GFRA2: variants seen among roughly 807,000 people sequenced by gnomAD.
The protein encoded by GFRA2 is GDNF family receptor alpha 2, also known as GDNF family receptor alpha-2.
A neutral mutation model predicts 48.3 loss-of-function variants in GFRA2; 17 were observed. The observed-to-expected ratio is 0.35, with a 90% CI of 0.24 to 0.53. The LOEUF (loss-of-function observed/expected upper bound fraction) is 0.53, where lower values mean the gene tolerates loss of function less well. GFRA2 is among the 20% of genes least tolerant of loss of function. The pLI, the probability that GFRA2 is intolerant of heterozygous loss-of-function variation, is 0.93. For missense variants in GFRA2, 660 were observed against 637.3 expected (o/e 1.04, Z -0.38); for synonymous variants, 305 against 257.2 (o/e 1.19, Z -1.78).
intron 7 of GFRA2, among the ~76,000 whole-genome samples, chr8:21,701,504 T>G (rs912413809): frequency 3.9e-5 from 6 of 152,336 alleles, no homozygotes; most frequent in African/African-American, 1.4e-4. Flanking sequence ...TTGGACCCCT[T>G]TGGAGGGTCT....
At position 21,693,153 on chromosome 8, in the gene GFRA2, G is replaced by T; in HGVS notation, c.*125C>A. ...AAACCTGGGAGGAGACAGGTTCAGC[G>T]ACAAGGTGGGAAAAACAATTTTTTT... On this transcript the variant is annotated 3_prime_UTR_variant, in exon 9 of 9. Transcript: ENST00000524240. 3.4e-6 allele frequency: 3 copies of T among 885,074 alleles called. No individual in the cohort carries two copies. Among genetic ancestry groups the T allele is most frequent in the Non-Finnish European group, 4.7e-6 (3 of 640,172 alleles). 54.8% of individuals were successfully genotyped at this position (885,074 alleles called of 1,614,324 possible). A position where few individuals can be genotyped will look rare whatever the true frequency, so the allele number is the denominator to read the frequency against.
chr8:21,802,861 TC>T (rs1807795758), intron 2 of GFRA2, among the ~76,000 whole-genome samples: 1 of 152,186 alleles, frequency 6.6e-6, no homozygotes, highest in Non-Finnish European at 1.5e-5. Context: ...GCTAAGCTCT[TC>T]CCAGGAGGTA....
intron 3 of GFRA2, among the ~76,000 whole-genome samples, chr8:21,771,775 T>A (rs1229045644): frequency 6.6e-6 from 1 of 152,024 alleles, no homozygotes; most frequent in African/African-American, 2.4e-5. Flanking sequence ...CTGGAGGTAG[T>A]ACAACCCAGA....
At chr8:21,717,679 C>T (rs1370945447) in intron 4 of GFRA2, among the ~76,000 whole-genome samples, 1 of 152,166 alleles carries the variant, frequency 6.6e-6, no homozygotes, top group African/African-American at 2.4e-5. Context: ...TATCCTAAGA[C>T]AAAGTGGCTG....
chr8:21,805,336 A>G (rs7833426), intron 1 of GFRA2, among the ~76,000 whole-genome samples: 10,094 of 152,262 alleles, frequency 0.066, 688 homozygotes, highest in African/African-American at 0.17. Context: ...AGCCCCAACC[A>G]AATGGAAAGC....
intron 4 of GFRA2, among the ~76,000 whole-genome samples, chr8:21,742,784 A>G (rs1036189465): frequency 1.3e-5 from 2 of 152,210 alleles, no homozygotes; most frequent in Non-Finnish European, 2.9e-5. Flanking sequence ...AACCACTCAG[A>G]GATGCCTGGG....
intron 3 of GFRA2, among the ~76,000 whole-genome samples, chr8:21,759,878 G>A (rs1805811085): frequency 8.3e-6 from 1 of 119,814 alleles, no homozygotes; most frequent in Non-Finnish European, 1.6e-5. Flanking sequence ...AACAGAGCAA[G>A]ATTGCGTCTC....
intron 1 of GFRA2, among the ~76,000 whole-genome samples, chr8:21,784,988 G>T (rs988781215): frequency 1.1e-4 from 17 of 152,134 alleles, no homozygotes; most frequent in African/African-American, 4.1e-4. Context: ...GCCTCTGGAA[G>T]AATATAACCC....
At chr8:21,699,761 C>T (rs1213356910) in intron 7 of GFRA2, among the ~76,000 whole-genome samples, 1 of 152,216 alleles carries the variant, frequency 6.6e-6, no homozygotes, top group Non-Finnish European at 1.5e-5. Context: ...CACTGAAACA[C>T]ACAGAGCCCA....
At chr8:21,744,282 C>T (rs1358203325) in intron 4 of GFRA2, among the ~76,000 whole-genome samples, 2 of 152,196 alleles carry the variant, frequency 1.3e-5, no homozygotes, top group African/African-American at 4.8e-5. Context: ...TCCCAACAAG[C>T]CTCTCTGACA....
chr8:21,733,362 G>A (rs1804294090), intron 4 of GFRA2, among the ~76,000 whole-genome samples: 1 of 152,158 alleles, frequency 6.6e-6, no homozygotes, highest in South Asian at 2.1e-4. Flanking sequence ...CAAGATCAGG[G>A]AGAGGAGGGT....
rs148009045 is a variant in GFRA2 at position 21,694,546 on chromosome 8, G to A, written c.1219-29C>T. On this transcript the variant is annotated intron_variant, in intron 7 of 8. Coordinates refer to ENST00000524240, the MANE Select transcript of GFRA2 (RefSeq NM_001495.5). Reference sequence around the variant, plus strand: ...CGAGAGAGAAGGTGCCAGTCAGGACGAGTCACCAGGCTGTTCCTGGCTGGG... The same window carrying A: ...CGAGAGAGAAGGTGCCAGTCAGGACAAGTCACCAGGCTGTTCCTGGCTGGG... The A allele has an allele frequency of 2.0e-4, 315 of 1,598,844 alleles. 1 individual carries two copies. In the African/African-American group the frequency reaches 3.3e-3, roughly 17 times the overall value.
intron 4 of GFRA2, among the ~76,000 whole-genome samples, chr8:21,740,582 C>A (rs1335457162): frequency 2.6e-5 from 4 of 152,208 alleles, no homozygotes; most frequent in Non-Finnish European, 5.9e-5. Context: ...CAGCATCCAG[C>A]ACTACTGGGC....
chr8:21,757,749 G>A (rs757033152), intron 3 of GFRA2, among the ~76,000 whole-genome samples: 4 of 152,054 alleles, frequency 2.6e-5, no homozygotes, highest in South Asian at 2.1e-4. Flanking sequence ...TGATCCGCCC[G>A]CTTTGGCCTC....
Position 21,750,107 on chromosome 8 carries a change from A to ACACACACACACACACACGCACG in GFRA2, c.794+480_794+481insCGTGCGTGTGTGTGTGTGTGTG, listed in dbSNP as rs201515239. 2.0e-5 allele frequency among the ~76,000 whole-genome samples: 3 copies of ACACACACACACACACACGCACG among 150,656 alleles called. No individual in the cohort carries two copies. The highest frequency in any genetic ancestry group is 7.3e-5 in the African/African-American group (3 of 40,830). ...TGTGTATACACACACACACACACAC[A>ACACACACACACACACACGCACG]CACGCACATATATAGGTAGAGACTG... On this transcript the variant is annotated intron_variant, in intron 4 of 8. Transcript: ENST00000524240. The surrounding 1 kb of genome is among the most constrained non-coding windows in gnomAD (Gnocchi z 5.7).
chr8:21,789,110 G>A, upstream of GFRA2: 1 of 166,828 alleles, frequency 6.0e-6, no homozygotes, highest in Non-Finnish European at 1.2e-5. Context: ...AGGCGGTGGC[G>A]GTGGCGGTGG....
intron 4 of GFRA2, among the ~76,000 whole-genome samples, chr8:21,716,472 A>G (rs1342092822): frequency 6.6e-6 from 1 of 152,154 alleles, no homozygotes; most frequent in African/African-American, 2.4e-5. Flanking sequence ...GCCCAAGCAA[A>G]AGAGCCAGGA....
At chr8:21,749,029 C>G (rs1309375926) in intron 4 of GFRA2, among the ~76,000 whole-genome samples, 1 of 152,230 alleles carries the variant, frequency 6.6e-6, no homozygotes, top group Non-Finnish European at 1.5e-5. Context: ...CCTGTGCTCT[C>G]TCCTCTGGGA....
chr8:21,693,197 G>C lies in GFRA2; in HGVS notation c.*81C>G. ...TTTTTTTTTTGCAAGGTGTGTGTGTGTCTGTGTGTGTTTCCATTTCGTCAG... is the reference window on the plus strand; with the variant it reads ...TTTTTTTTTTGCAAGGTGTGTGTGTCTCTGTGTGTGTTTCCATTTCGTCAG... On this transcript the variant is annotated 3_prime_UTR_variant, in exon 9 of 9. Transcript: ENST00000524240. 1.4e-6 allele frequency: 2 copies of C among 1,408,576 alleles called. No individual in the cohort carries two copies. Among genetic ancestry groups the C allele is most frequent in the Non-Finnish European group, 1.9e-6 (2 of 1,031,238 alleles). 87.3% of individuals were successfully genotyped at this position (1,408,576 alleles called of 1,614,324 possible).
Sources: gnomAD v4.1 joint callset for allele counts (sites outside exome capture counted in the v4.1 genomes callset) on GRCh38, gnomAD v4.1.1 for gene constraint, Gnocchi (gnomAD v3.1) non-coding constraint, MANE v1.5 for transcripts, NCBI Gene and HGNC (gene_info 2026-07-23, HGNC 2026-07-21) for gene names.